The following MDGA2 variants were observed in gnomAD, a reference collection of about 807,000 sequenced individuals.
MDGA2 encodes MAM domain containing glycosylphosphatidylinositol anchor 2, also known as MAM domain-containing glycosylphosphatidylinositol anchor protein 2.
A neutral mutation model predicts 117.8 loss-of-function variants in MDGA2; 40 were observed. That is an observed-to-expected ratio of 0.34 (90% CI 0.26 to 0.44). MDGA2 has a LOEUF of 0.44. MDGA2 is among the 20% of genes least tolerant of loss of function. MDGA2 has a pLI of 1.00. For synonymous variants in MDGA2, 452 were observed against 439.0 expected, an observed-to-expected ratio of 1.03 and a Z score of -0.37; for missense variants, 1,123 against 1,250.6, an observed-to-expected ratio of 0.90 and a Z score of 1.54.
intron 1 of MDGA2, among the ~76,000 whole-genome samples, chr14:47,369,260 A>G (rs1891293744): frequency 2.8e-5 from 2 of 70,652 alleles, no homozygotes; most frequent in East Asian, 3.2e-4. Context: ...TATTATGATG[A>G]TATCATTTAT....
In MDGA2 at chr14:47,199,254, A is replaced by AT. The variant is rs1885402627; in HGVS notation, c.595+18766dup. Among the ~76,000 whole-genome samples, 3 of 151,958 alleles carry AT rather than the reference A, an allele frequency of 2.0e-5. No homozygotes were observed. In the South Asian group the frequency reaches 6.2e-4, roughly 32 times the overall value. ...ATTTGAAATAGTATTTTCACATCTG[A>AT]TTTTTTAAATAAAGACACATAAAAC... On this transcript the variant is annotated intron_variant, in intron 3 of 16. Transcript: ENST00000399232.
At chr14:46,864,669 T>C (rs968478720) in intron 14 of MDGA2, among the ~76,000 whole-genome samples, 4 of 150,284 alleles carry the variant, frequency 2.7e-5, no homozygotes, top group African/African-American at 9.8e-5. Context: ...TATTTTCACA[T>C]TTACAGCATT....
chr14:47,625,691 T>C (rs1231540163), intron 1 of MDGA2, among the ~76,000 whole-genome samples: 3 of 152,252 alleles, frequency 2.0e-5, no homozygotes, highest in Admixed American at 6.5e-5. Context: ...CTGAAATGTC[T>C]GTCTAACCAT....
chr14:47,039,016 C>T (rs1332052090), intron 7 of MDGA2, among the ~76,000 whole-genome samples: 1 of 151,884 alleles, frequency 6.6e-6, no homozygotes. Context: ...ACTCTCCTGG[C>T]CAAAAAGACT....
chr14:47,079,301 A>C (rs182438404), intron 6 of MDGA2, among the ~76,000 whole-genome samples: 14 of 152,218 alleles, frequency 9.2e-5, no homozygotes, highest in African/African-American at 3.4e-4. Flanking sequence ...GGAGCCATAC[A>C]TTTAATTTTG....
At chr14:47,508,738 G>C (rs1894574215) in intron 1 of MDGA2, among the ~76,000 whole-genome samples, 1 of 152,102 alleles carries the variant, frequency 6.6e-6, no homozygotes, top group East Asian at 1.9e-4. Context: ...GGAGTGCTGT[G>C]GTGCCATCAC....
intron 1 of MDGA2, among the ~76,000 whole-genome samples, chr14:47,571,514 T>C (rs943275596): frequency 6.6e-6 from 1 of 152,134 alleles, no homozygotes; most frequent in Admixed American, 6.6e-5. Flanking sequence ...CAAATGTCCA[T>C]TAATGATAGA....
chr14:47,122,750 T>C (rs895910353), intron 5 of MDGA2, among the ~76,000 whole-genome samples: 3 of 152,084 alleles, frequency 2.0e-5, no homozygotes, highest in Non-Finnish European at 4.4e-5. Flanking sequence ...ATGCAATTCT[T>C]AGTATTTCAC....
At chr14:47,361,557 T>C (rs1286079582) in intron 1 of MDGA2, among the ~76,000 whole-genome samples, 2 of 152,110 alleles carry the variant, frequency 1.3e-5, no homozygotes, top group Non-Finnish European at 2.9e-5. Context: ...TTTTAAAGTA[T>C]GTTGCTTTCA....
chr14:47,386,893 T>C (rs2138429237), intron 1 of MDGA2, among the ~76,000 whole-genome samples: 1 of 152,348 alleles, frequency 6.6e-6, no homozygotes. Context: ...TTTCCTCATC[T>C]GCAAAATGAG....
intron 9 of MDGA2, among the ~76,000 whole-genome samples, chr14:46,947,621 C>G (rs1218715639): frequency 6.6e-6 from 1 of 151,926 alleles, no homozygotes; most frequent in African/African-American, 2.4e-5. Context: ...AAGAGGAGTT[C>G]CCCTGCACAA....
At chr14:46,991,375 CTTGTCCATT>C (rs1378262613) in intron 8 of MDGA2, among the ~76,000 whole-genome samples, 2 of 152,086 alleles carry the variant, frequency 1.3e-5, no homozygotes, top group Non-Finnish European at 2.9e-5. Flanking sequence ...TAAGTACTGA[CTTGTCCATT>C]CTATTATCAA....
At chr14:46,994,514 AACACACACAC>A (rs60903573) in intron 8 of MDGA2, among the ~76,000 whole-genome samples, 39 of 149,980 alleles carry the variant, frequency 2.6e-4, no homozygotes, top group Non-Finnish European at 5.2e-4. Context: ...CACACATACA[AACACACACAC>A]ACACACACAC....
At chr14:47,506,623 G>T (rs987155254) in intron 1 of MDGA2, among the ~76,000 whole-genome samples, 3 of 152,322 alleles carry the variant, frequency 2.0e-5, no homozygotes, top group African/African-American at 7.2e-5. Context: ...GTCCAGTATG[G>T]TAGCCACTAG....
chr14:47,668,678 C>T (rs1898021122), intron 1 of MDGA2, among the ~76,000 whole-genome samples: 1 of 152,158 alleles, frequency 6.6e-6, no homozygotes, highest in Admixed American at 6.5e-5. Context: ...AAGTTAATGT[C>T]AATTACAAAG....
intron 2 of MDGA2, chr14:47,299,601 T>C (rs1889206736): frequency 1.3e-5 from 2 of 152,244 alleles, no homozygotes; most frequent in Admixed American, 1.3e-4. Flanking sequence ...GTTAATATTA[T>C]CTTGAATTAA....
At chr14:47,529,314 A>G (rs151238404) in intron 1 of MDGA2, among the ~76,000 whole-genome samples, 9 of 152,320 alleles carry the variant, frequency 5.9e-5, no homozygotes, top group Middle Eastern at 3.4e-3. Context: ...TAGAAATTCT[A>G]TCATGAGCAA....
At chr14:47,569,376 T>C (rs535923015) in intron 1 of MDGA2, among the ~76,000 whole-genome samples, 8 of 152,180 alleles carry the variant, frequency 5.3e-5, no homozygotes, top group Non-Finnish European at 8.8e-5. Context: ...CTTGCACCAG[T>C]GCATGGCATT....
intron 2 of MDGA2, among the ~76,000 whole-genome samples, chr14:47,243,717 C>T (rs1370845101): frequency 2.6e-5 from 4 of 151,632 alleles, no homozygotes; most frequent in African/African-American, 4.8e-5. Flanking sequence ...ACTCCAGACG[C>T]GCCACCTTAA....
Sources: gnomAD v4.1 joint callset for allele counts (sites outside exome capture counted in the v4.1 genomes callset) on GRCh38, gnomAD v4.1.1 for gene constraint, MANE v1.5 for transcripts, NCBI Gene and HGNC (gene_info 2026-07-23, HGNC 2026-07-21) for gene names.